The following PRKN variants were observed in gnomAD, a reference collection of about 807,000 sequenced individuals.
The protein encoded by PRKN is E3 ubiquitin-protein ligase parkin.
In PRKN, 56 loss-of-function variants were observed where a neutral mutation model predicts 59.5. That is an observed-to-expected ratio of 0.94 (90% CI 0.76 to 1.18). The LOEUF is 1.18. Among genes scored for constraint, PRKN ranks in the 50% most tolerant of loss-of-function variants. The pLI, the probability that PRKN is intolerant of heterozygous loss-of-function variation, is 0.00. For missense variants in PRKN, 657 were observed against 596.4 expected (o/e 1.10, Z -1.06); for synonymous variants, 250 against 222.1 (o/e 1.13, Z -1.12).
chr6:161,489,449 A>G (rs1777464110), intron 9 of PRKN, among the ~76,000 whole-genome samples: 2 of 152,092 alleles, frequency 1.3e-5, no homozygotes, highest in Non-Finnish European at 2.9e-5. Context: ...AGTCCCAGCT[A>G]CTCAGGAGGC....
chr6:162,432,714 T>C (rs1789597181), intron 2 of PRKN, among the ~76,000 whole-genome samples: 1 of 152,204 alleles, frequency 6.6e-6, no homozygotes, highest in Admixed American at 6.5e-5. Flanking sequence ...ATATAACTAT[T>C]TAAGTGGGTC....
intron 7 of PRKN, among the ~76,000 whole-genome samples, chr6:161,591,250 A>G (rs1361086008): frequency 6.6e-6 from 1 of 152,182 alleles, no homozygotes; most frequent in Non-Finnish European, 1.5e-5. Context: ...TTTCTCTTGC[A>G]CCTTTTCTCA....
At chr6:161,672,634 G>A (rs568039351) in intron 7 of PRKN, among the ~76,000 whole-genome samples, 1 of 152,160 alleles carries the variant, frequency 6.6e-6, no homozygotes, top group East Asian at 1.9e-4. Context: ...AAATTAGCTG[G>A]GTGTGGTGGC....
chr6:161,876,335 A>C (rs1794730512), intron 6 of PRKN, among the ~76,000 whole-genome samples: 1 of 152,122 alleles, frequency 6.6e-6, no homozygotes, highest in Non-Finnish European at 1.5e-5. Flanking sequence ...TTTTTGACAC[A>C]GAGTCTTGCT....
At chr6:162,656,745 T>C (rs1778658246) in intron 1 of PRKN, among the ~76,000 whole-genome samples, 1 of 152,212 alleles carries the variant, frequency 6.6e-6, no homozygotes, top group Admixed American at 6.5e-5. Flanking sequence ...ACATTCCTCT[T>C]GATCTTGAAC....
chr6:161,478,172 G>A (rs1332403626), intron 9 of PRKN, among the ~76,000 whole-genome samples: 2 of 152,134 alleles, frequency 1.3e-5, no homozygotes, highest in East Asian at 3.8e-4. Context: ...GAACAAATTT[G>A]AGAGTGAAAG....
chr6:161,503,879 C>A lies in PRKN; in HGVS notation c.1083+44975G>T, dbSNP rs1364433586. Among the ~76,000 whole-genome samples, 1 of 152,172 alleles carries A rather than the reference C, an allele frequency of 6.6e-6. No individual in the cohort carries two copies. The highest frequency in any genetic ancestry group is 1.5e-5 in the Non-Finnish European group (1 of 68,028). ...TCTGATAATGATGATTATATCACCA[C>A]CAGAGTCCCCTTCAGCCTTGATCAT... On this transcript the variant is annotated intron_variant, in intron 9 of 11. Coordinates refer to ENST00000366898, the MANE Select transcript of PRKN (RefSeq NM_004562.3). This position sits in a 1 kb window ranked among gnomAD's most constrained non-coding sequence, Gnocchi z 5.1.
intron 9 of PRKN, among the ~76,000 whole-genome samples, chr6:161,496,656 G>T (rs1193442305): frequency 1.3e-5 from 2 of 152,202 alleles, no homozygotes; most frequent in Non-Finnish European, 2.9e-5. Context: ...CCCAGCCCTT[G>T]ATCTGTGGGG....
At chr6:161,887,004 G>C (rs1795179764) in intron 6 of PRKN, among the ~76,000 whole-genome samples, 1 of 152,112 alleles carries the variant, frequency 6.6e-6, no homozygotes, top group Admixed American at 6.5e-5. Context: ...ATGAAGCAAA[G>C]AAGCAAATGT....
In PRKN at chr6:161,566,090, A is replaced by T. The variant is rs1269949590; in HGVS notation, c.933+3265T>A. Among the ~76,000 whole-genome samples the T allele has an allele frequency of 6.6e-6, 1 of 152,180 alleles. No individual in the cohort carries two copies. Among genetic ancestry groups the T allele is most frequent in the African/African-American group, 2.4e-5 (1 of 41,444 alleles). The stretch of plus-strand genomic sequence containing the variant: ...TTCCCATTAAGAAGGTCATTTTCTT[A>T]TCTCCATCCCTCAGCTACCTCATTT... On this transcript the variant is annotated intron_variant, in intron 8 of 11. Coordinates refer to ENST00000366898, the MANE Select transcript of PRKN (RefSeq NM_004562.3). The surrounding 1 kb of genome is among the most constrained non-coding windows in gnomAD (Gnocchi z 4.1).
intron 4 of PRKN, among the ~76,000 whole-genome samples, chr6:162,154,933 G>T (rs577978000): frequency 6.7e-6 from 1 of 148,802 alleles, no homozygotes; most frequent in African/African-American, 2.5e-5. Context: ...TTACCAAAAT[G>T]AAGGACATTA....
rs569754143 is a variant in PRKN at position 161,551,375 on chromosome 6, G to A, written c.934-2372C>T. 6.6e-6 allele frequency among the ~76,000 whole-genome samples: 1 copy of A among 152,280 alleles called. No homozygotes were observed. The highest frequency in any genetic ancestry group is 1.5e-5 in the Non-Finnish European group (1 of 68,028). ...AATTATTCGTAAAGCTCGACACTAG[G>A]TTAGATCTATGACACTCTGACCATG... On this transcript the variant is annotated intron_variant, in intron 8 of 11. Transcript: ENST00000366898. The surrounding 1 kb of genome is among the most constrained non-coding windows in gnomAD (Gnocchi z 5.2).
intron 7 of PRKN, among the ~76,000 whole-genome samples, 199 bp from the exon 8 acceptor site, chr6:161,569,615 C>T (rs780545614): frequency 2.8e-4 from 43 of 152,160 alleles, no homozygotes; most frequent in African/African-American, 9.7e-4. Context: ...GGCCTCCAAC[C>T]GCACCTCTTT....
intron 5 of PRKN, among the ~76,000 whole-genome samples, chr6:162,021,449 A>C (rs1562465901): frequency 4.3e-4 from 3 of 7,022 alleles, no homozygotes; most frequent in Non-Finnish European, 1.2e-3. Context: ...ATATATATAT[A>C]TATATATATA....
At chr6:162,571,768 G>A (rs370382772) in intron 1 of PRKN, among the ~76,000 whole-genome samples, 1 of 152,150 alleles carries the variant, frequency 6.6e-6, no homozygotes. Flanking sequence ...TATGCTCAAC[G>A]AGGAAAGAGC....
chr6:162,536,249 A>G (rs1378705807), intron 1 of PRKN, among the ~76,000 whole-genome samples: 1 of 152,128 alleles, frequency 6.6e-6, no homozygotes, highest in Non-Finnish European at 1.5e-5. Context: ...TGCCTTCACT[A>G]TAAGATGTTG....
At chr6:161,509,519 T>G (rs1273847807) in intron 9 of PRKN, among the ~76,000 whole-genome samples, 2 of 152,052 alleles carry the variant, frequency 1.3e-5, no homozygotes. Flanking sequence ...CCTTTCATGT[T>G]AAGCTGATTT....
At chr6:162,112,131 C>T (rs1562520444) in intron 4 of PRKN, among the ~76,000 whole-genome samples, 1 of 152,212 alleles carries the variant, frequency 6.6e-6, no homozygotes, top group African/African-American at 2.4e-5. Context: ...CATTTCCACA[C>T]TGGAACAGTT....
In PRKN at chr6:162,304,617, T is replaced by A. The variant is rs575652700; in HGVS notation, c.172-41852A>T. On this transcript the variant is annotated intron_variant, in intron 2 of 11. Coordinates refer to ENST00000366898, the MANE Select transcript of PRKN (RefSeq NM_004562.3). The stretch of plus-strand genomic sequence containing the variant: ...TATCTATACTTCCCCCACACTTATA[T>A]ATGATCCTCTTTTAACGACTTGGGG... Among the ~76,000 whole-genome samples, 37 of 150,798 alleles carry A rather than the reference T, an allele frequency of 2.5e-4. 3 individuals carry two copies. The highest frequency in any genetic ancestry group is 9.1e-4 in the African/African-American group (37 of 40,798).
Sources: allele counts gnomAD v4.1 joint callset (sites outside exome capture counted in the v4.1 genomes callset), GRCh38; gene constraint gnomAD v4.1.1; non-coding constraint Gnocchi (gnomAD v3.1); transcripts MANE v1.5; gene names NCBI Gene and HGNC (gene_info 2026-07-23, HGNC 2026-07-21).